NECTIN1: variants seen among roughly 807,000 people sequenced by gnomAD.
NECTIN1 encodes nectin-1.
NECTIN1 carries 23 observed loss-of-function variants against 48.0 expected under a neutral mutation model. The observed-to-expected ratio is 0.48, with a 90% CI of 0.34 to 0.68. The LOEUF is 0.68. Among genes scored for constraint, NECTIN1 ranks in the 30% least tolerant of loss-of-function variants. The pLI is 0.01. For synonymous variants in NECTIN1, 270 were observed against 288.9 expected (o/e 0.93, Z 0.66); for missense variants, 591 against 709.9 (o/e 0.83, Z 1.90).
Position 119,729,178 on chromosome 11 carries a change from C to T in NECTIN1, c.-625G>A, listed in dbSNP as rs1364629395. ...GGCGATCCGCAACAATGTGGAGCCG[C>T]GCTCGCTGCTCTCGCTCTCTTTCTC... is the stretch of plus-strand genomic sequence containing the variant. On this transcript the variant is annotated 5_prime_UTR_variant, in exon 1 of 6. Transcript: ENST00000264025. 2 of 152,130 alleles carry T rather than the reference C, an allele frequency of 1.3e-5. No homozygotes were observed. Among genetic ancestry groups the T allele is most frequent in the Non-Finnish European group, 2.9e-5 (2 of 68,054 alleles). 9.4% of individuals were successfully genotyped at this position (152,130 alleles called of 1,614,324 possible).
intron 1 of NECTIN1, among the ~76,000 whole-genome samples, chr11:119,679,059 T>C (rs1392365079): frequency 6.6e-6 from 1 of 152,222 alleles, no homozygotes; most frequent in African/African-American, 2.4e-5. Flanking sequence ...AAAGTCAGAA[T>C]CATGCTGTAC....
Position 119,709,053 on chromosome 11 carries a change from C to G in NECTIN1, c.79+19422G>C, listed in dbSNP as rs945356747. Among the ~76,000 whole-genome samples, 8 of 151,988 alleles carry G rather than the reference C, an allele frequency of 5.3e-5. No homozygotes were observed. Among genetic ancestry groups the G allele is most frequent in the Non-Finnish European group, 8.8e-5 (6 of 67,960 alleles). ...GGAGAGATCCTGAGACACTCTACCCCCCACGCCCGCCCACATAGCCAACAT... is the reference window on the plus strand; with the variant it reads ...GGAGAGATCCTGAGACACTCTACCCGCCACGCCCGCCCACATAGCCAACAT... On this transcript the variant is annotated intron_variant, in intron 1 of 5. Transcript: ENST00000264025. The surrounding 1 kb of genome is among the most constrained non-coding windows in gnomAD (Gnocchi z 4.1).
chr11:119,711,389 C>CA (rs35938500), intron 1 of NECTIN1, among the ~76,000 whole-genome samples: 7,196 of 119,848 alleles, frequency 0.06, 405 homozygotes, highest in East Asian at 0.17. Flanking sequence ...GACTCTGTTT[C>CA]AAAAAAAAAA....
intron 1 of NECTIN1, among the ~76,000 whole-genome samples, chr11:119,721,109 C>A (rs1243773061): frequency 6.6e-6 from 1 of 152,200 alleles, no homozygotes; most frequent in African/African-American, 2.4e-5. Context: ...AGAGCACATC[C>A]AGATGTACTG....
rs1565376516 is a variant in NECTIN1, at chr11:119,648,298, GTGGTGGTGATGGTGGTGA to G, written c.1004-8304_1004-8287del. ...GGTGATGGTGGTGGTGATGGTGGTG[GTGGTGGTGATGGTGGTGA>G]TGGTGATGGTGGTGATGGTGGTGGT... On this transcript the variant is annotated intron_variant, in intron 5 of 7. Coordinates refer to the NECTIN1 transcript ENST00000341398. Among the ~76,000 whole-genome samples the G allele has an allele frequency of 8.3e-4, 15 of 17,996 alleles. 1 individual carries two copies. Among genetic ancestry groups the G allele is most frequent in the Admixed American group, 2.4e-3 (3 of 1,238 alleles). 11.8% of individuals were successfully genotyped at this position (17,996 alleles called of 152,430 possible). A position where few individuals can be genotyped will look rare whatever the true frequency, so the allele number is the denominator to read the frequency against.
At chr11:119,717,787 G>T (rs1326492938) in intron 1 of NECTIN1, among the ~76,000 whole-genome samples, 2 of 152,212 alleles carry the variant, frequency 1.3e-5, no homozygotes, top group Non-Finnish European at 2.9e-5. Context: ...GGGGTAGGGG[G>T]GCTCTGGGCA....
chr11:119,688,247 G>T (rs1006505904), intron 1 of NECTIN1, among the ~76,000 whole-genome samples: 1 of 152,150 alleles, frequency 6.6e-6, no homozygotes, highest in African/African-American at 2.4e-5. Context: ...TTGGCGTAGT[G>T]CTTGGCCCAT....
intron 1 of NECTIN1, chr11:119,710,091 G>T (rs891641856): frequency 3.3e-5 from 5 of 152,190 alleles, no homozygotes; most frequent in Non-Finnish European, 7.3e-5. Context: ...GTCCTCAAAG[G>T]TGGGGGCGTG....
At chr11:119,705,873 C>A (rs1465362375) in intron 1 of NECTIN1, among the ~76,000 whole-genome samples, 1 of 152,104 alleles carries the variant, frequency 6.6e-6, no homozygotes, top group African/African-American at 2.4e-5. Flanking sequence ...CCCTCCTCTC[C>A]CACCCCTCCA....
At chr11:119,653,501 G>A (rs530085697) in intron 5 of NECTIN1, among the ~76,000 whole-genome samples, 22 of 152,150 alleles carry the variant, frequency 1.4e-4, no homozygotes, top group South Asian at 4.1e-4. Flanking sequence ...CTCCAGACCC[G>A]CGCCCCTCCA....
intron 5 of NECTIN1, among the ~76,000 whole-genome samples, chr11:119,671,229 G>T (rs764123913): frequency 6.6e-6 from 1 of 151,932 alleles, no homozygotes; most frequent in Admixed American, 6.5e-5. Context: ...AGTAGCTCCT[G>T]TCTCTGTGCC....
intron 1 of NECTIN1, among the ~76,000 whole-genome samples, chr11:119,716,070 G>T (rs569007426): frequency 2.3e-4 from 35 of 152,190 alleles, no homozygotes; most frequent in Non-Finnish European, 5.0e-4. Flanking sequence ...CCAGAATTCT[G>T]CACCTTGAGT....
At chr11:119,648,271 G>GTGGTGGTGGTGGTGATGC (rs1864428509) in intron 5 of NECTIN1, among the ~76,000 whole-genome samples, 1 of 19,628 alleles carries the variant, frequency 5.1e-5, no homozygotes, top group African/African-American at 1.7e-4. Flanking sequence ...AATAGTGGTG[G>GTGGTGGTGGTGGTGATGC]TGGTGATGGT....
chr11:119,681,738 A>G (rs1317241273), intron 1 of NECTIN1, among the ~76,000 whole-genome samples: 1 of 152,220 alleles, frequency 6.6e-6, no homozygotes, highest in Non-Finnish European at 1.5e-5. Flanking sequence ...AGAAGCAACC[A>G]CATGGTGGGG....
At chr11:119,724,109 C>A (rs1865871676) in intron 1 of NECTIN1, among the ~76,000 whole-genome samples, 1 of 152,164 alleles carries the variant, frequency 6.6e-6, no homozygotes, top group South Asian at 2.1e-4. Flanking sequence ...CATGGAGGAC[C>A]AAAGCTCATG....
intron 5 of NECTIN1, among the ~76,000 whole-genome samples, chr11:119,669,051 T>C (rs554409684): frequency 1.3e-5 from 2 of 152,352 alleles, no homozygotes; most frequent in South Asian, 2.1e-4. Context: ...CATTGCAGTA[T>C]GGTAGAGTGT....
At chr11:119,705,661 C>T (rs958819993) in intron 1 of NECTIN1, among the ~76,000 whole-genome samples, 5 of 152,198 alleles carry the variant, frequency 3.3e-5, no homozygotes, top group African/African-American at 9.7e-5. Context: ...TTGGAGGCCA[C>T]GAGCAGAGGG....
rs765697820 is a variant in NECTIN1 at position 119,664,786 on chromosome 11, G to A, written c.1515C>T (p.Asn505=). ...LDLAENMVSQ[N]DGSFISKKEW... The stretch of plus-strand genomic sequence containing the variant: ...CCTTCTTGGAAATGAAAGACCCGTC[G>A]TTCTGAGAAACCATGTTCTCAGCCA... The change falls in exon 6 of 6, where the codon AAC becomes AAT. Residue 505 remains asparagine (N), a synonymous_variant. Coordinates refer to ENST00000264025, the MANE Select transcript of NECTIN1 (RefSeq NM_002855.5). 8.7e-6 allele frequency: 14 copies of A among 1,613,006 alleles called. No homozygotes were observed. In the African/African-American group the frequency reaches 1.6e-4, roughly 18 times the overall value.
intron 5 of NECTIN1, among the ~76,000 whole-genome samples, chr11:119,649,151 C>T (rs1368546653): frequency 1.3e-5 from 2 of 152,138 alleles, no homozygotes; most frequent in Non-Finnish European, 2.9e-5. Flanking sequence ...GAGGCAGAGG[C>T]GGACAGATCA....
Sources: allele counts gnomAD v4.1 joint callset (sites outside exome capture counted in the v4.1 genomes callset), GRCh38; gene constraint gnomAD v4.1.1; non-coding constraint Gnocchi (gnomAD v3.1); transcripts MANE v1.5; gene names NCBI Gene and HGNC (gene_info 2026-07-23, HGNC 2026-07-21).